Variants in CPS1 observed in about 807,000 individuals in gnomAD.
CPS1 encodes the protein carbamoyl-phosphate synthase [ammonia], mitochondrial.
Under a neutral mutation model 174.6 loss-of-function variants are expected in CPS1, and 109 were observed. The observed-to-expected ratio is 0.62, with a 90% CI of 0.53 to 0.73. The LOEUF (loss-of-function observed/expected upper bound fraction) is 0.73. CPS1 is among the 30% of genes least tolerant of loss of function. CPS1 has a pLI of 0.00. For synonymous variants in CPS1, 637 were observed against 632.0 expected (o/e 1.01, Z -0.12); for missense variants, 1,689 against 1,821.9 (o/e 0.93, Z 1.33).
At chr2:210,623,564 T>C (rs956758026) in intron 21 of CPS1, among the ~76,000 whole-genome samples, 45 of 152,092 alleles carry the variant, frequency 3.0e-4, no homozygotes, top group African/African-American at 1.0e-3. Context: ...CTATGTTCAA[T>C]GTGATAAACT....
intron 3 of CPS1, 147 bp from the exon 4 acceptor site, chr2:210,577,274 A>ATTT: frequency 3.4e-6 from 2 of 579,932 alleles, no homozygotes; most frequent in African/African-American, 1.9e-5. Context: ...AAGGGCATTG[A>ATTT]TTTTTTTTTT....
intron 1 of CPS1, among the ~76,000 whole-genome samples, chr2:210,489,854 C>T (rs564253129): frequency 1.7e-4 from 26 of 151,796 alleles, no homozygotes; most frequent in Non-Finnish European, 3.1e-4. Context: ...AAAAATTAGC[C>T]GGGCGTGGTG....
chr2:210,511,046 A>C (rs965977705), intron 1 of CPS1, among the ~76,000 whole-genome samples: 3 of 150,610 alleles, frequency 2.0e-5, no homozygotes, highest in African/African-American at 2.5e-5. Flanking sequence ...TATCCAAAGG[A>C]CTATAAATCA....
intron 16 of CPS1, 94 bp from the exon 17 acceptor site, chr2:210,605,008 T>C (rs1698855401): frequency 2.9e-6 from 4 of 1,398,792 alleles, no homozygotes; most frequent in Non-Finnish European, 4.0e-6. Context: ...AGTTCAGTGC[T>C]GACCAGGATT....
At chr2:210,569,749 C>T (rs909363906) in intron 1 of CPS1, among the ~76,000 whole-genome samples, 1 of 151,912 alleles carries the variant, frequency 6.6e-6, no homozygotes, top group African/African-American at 2.4e-5. Context: ...TGATAAGGTC[C>T]TTTATTTTAT....
chr2:210,579,734 G>A lies in CPS1; in HGVS notation c.492G>A (p.Val164=), dbSNP rs770169219. The part of the protein sequence containing the change: ...QEEKVPAIYG[V]DTRMLTKIIR... ...TATAGGTTCCTGCAATTTATGGAGT[G>A]GACACAAGAATGCTGACTAAAATAA... The change falls in exon 5 of 38, where the codon GTG becomes GTA. Residue 164 remains valine, a synonymous_variant. Transcript: ENST00000233072. 3 of 1,613,038 alleles carry A rather than the reference G, an allele frequency of 1.9e-6. No homozygotes were observed. The South Asian group carries it at 3.3e-5, about 18-fold the overall frequency.
intron 16 of CPS1, 103 bp from the exon 17 acceptor site, chr2:210,604,999 G>A (rs1698855123): frequency 6.2e-6 from 8 of 1,294,534 alleles, no homozygotes; most frequent in African/African-American, 1.5e-5. Flanking sequence ...GGGTTTGAGA[G>A]TTCAGTGCTG....
chr2:210,515,831 A>G (rs980772656), intron 1 of CPS1, among the ~76,000 whole-genome samples: 6 of 151,848 alleles, frequency 4.0e-5, no homozygotes, highest in African/African-American at 1.2e-4. Flanking sequence ...TGAGGTGGGT[A>G]TTTAGTGCTA....
At chr2:210,556,911 C>A in intron 1 of CPS1, 52 bp downstream of exon 1, 1 of 1,594,340 alleles carries the variant, frequency 6.3e-7, no homozygotes. Context: ...TATAGTTTAG[C>A]AGTGAAGCAA....
intron 1 of CPS1, among the ~76,000 whole-genome samples, chr2:210,517,440 G>T (rs1695712029): frequency 6.6e-6 from 1 of 151,938 alleles, no homozygotes; most frequent in African/African-American, 2.4e-5. Context: ...TCATAAATTT[G>T]GTCTGGGTCA....
At chr2:210,525,956 C>T (rs1440047470) in intron 1 of CPS1, among the ~76,000 whole-genome samples, 1 of 151,638 alleles carries the variant, frequency 6.6e-6, no homozygotes, top group East Asian at 2.0e-4. Context: ...TGCAAGCAGT[C>T]CCACATGACT....
At chr2:210,675,361 G>A (rs1701490638) in intron 35 of CPS1, among the ~76,000 whole-genome samples, 1 of 152,110 alleles carries the variant, frequency 6.6e-6, no homozygotes. Flanking sequence ...TTATTCCCAA[G>A]GCTTATGATG....
intron 1 of CPS1, among the ~76,000 whole-genome samples, chr2:210,487,409 C>T (rs1169025978): frequency 6.6e-6 from 1 of 152,190 alleles, no homozygotes; most frequent in Non-Finnish European, 1.5e-5. Context: ...ATATGAGCCA[C>T]CTGAGGTTTG....
chr2:210,650,488 G>A (rs1387188684), intron 28 of CPS1, 50 bp downstream of exon 28: 3 of 1,256,710 alleles, frequency 2.4e-6, no homozygotes. Context: ...TAAACATGTA[G>A]TGACATTTAT....
At chr2:210,479,733 T>A (rs982674687) in intron 1 of CPS1, among the ~76,000 whole-genome samples, 1 of 152,236 alleles carries the variant, frequency 6.6e-6, no homozygotes, top group Non-Finnish European at 1.5e-5. Flanking sequence ...CTGAACACAT[T>A]TGTGGCTAAC....
chr2:210,497,213 CTT>C (rs1695011652), intron 1 of CPS1, among the ~76,000 whole-genome samples: 1 of 152,086 alleles, frequency 6.6e-6, no homozygotes, highest in African/African-American at 2.4e-5. Context: ...TTCAAATAAT[CTT>C]TAAGCAAGGC....
In CPS1 at chr2:210,498,102, G is replaced by T. The variant is rs562641838; in HGVS notation, c.3+20336G>T. ...GGTTGTTTTTTGACTTTTTAATAACGGCCATTCTTACTGGTATGAGATTGT... is the reference window on the plus strand; with the variant it reads ...GGTTGTTTTTTGACTTTTTAATAACTGCCATTCTTACTGGTATGAGATTGT... On this transcript the variant is annotated intron_variant, in intron 1 of 38. Coordinates refer to the CPS1 transcript ENST00000430249. 4.6e-5 allele frequency among the ~76,000 whole-genome samples: 7 copies of T among 151,290 alleles called. No individual in the cohort carries two copies. In the East Asian group the frequency reaches 1.4e-3, roughly 29 times the overall value.
At chr2:210,610,449 G>T (rs1699073062) in intron 19 of CPS1, among the ~76,000 whole-genome samples, 1 of 151,880 alleles carries the variant, frequency 6.6e-6, no homozygotes, top group Admixed American at 6.6e-5. Context: ...GAGATACATT[G>T]TCTGCAGTTG....
At position 210,509,972 on chromosome 2, in the gene CPS1, A is replaced by G. The variant is rs548014711; in HGVS notation, c.3+32206A>G. Among the ~76,000 whole-genome samples the G allele has an allele frequency of 9.8e-3, 1,491 of 152,262 alleles. 29 individuals are homozygous for G. The highest frequency in any genetic ancestry group is 0.033 in the African/African-American group (1,373 of 41,528). On this transcript the variant is annotated intron_variant, in intron 1 of 38. Transcript: ENST00000430249. ...CTGCCCAAGGTAATTTATAGATTCA[A>G]TGCCATCCCCATCAAGCTACCAATG...
Sources: gnomAD v4.1 joint callset for allele counts (sites outside exome capture counted in the v4.1 genomes callset) on GRCh38, gnomAD v4.1.1 for gene constraint, MANE v1.5 for transcripts, NCBI Gene and HGNC (gene_info 2026-07-23, HGNC 2026-07-21) for gene names.